KCNQ5: variants seen among roughly 807,000 people sequenced by gnomAD.
KCNQ5 encodes potassium voltage-gated channel subfamily KQT member 5.
Under a neutral mutation model 98.2 loss-of-function variants are expected in KCNQ5, and 30 were observed. That is an observed-to-expected ratio of 0.31 (90% CI 0.23 to 0.41). The LOEUF (loss-of-function observed/expected upper bound fraction) is 0.41, where lower values mean the gene tolerates loss of function less well. Ranked by LOEUF, KCNQ5 falls within the 10% of genes least tolerant of loss-of-function variation. KCNQ5 has a pLI of 1.00. For synonymous variants in KCNQ5, 458 were observed against 449.4 expected (o/e 1.02, Z -0.24); for missense variants, 835 against 1,182.5 (o/e 0.71, Z 4.31).
chr6:73,136,306 T>C (rs1303212793), intron 10 of KCNQ5: 2 of 152,228 alleles, frequency 1.3e-5, no homozygotes, highest in African/African-American at 4.8e-5. Context: ...GGATTTTTAA[T>C]TTGGAAAACA....
chr6:73,066,296 T>G (rs1473429634), intron 3 of KCNQ5, among the ~76,000 whole-genome samples: 1 of 152,130 alleles, frequency 6.6e-6, no homozygotes, highest in Non-Finnish European at 1.5e-5. Flanking sequence ...CACCCGCCCC[T>G]CTGTGACTCC....
chr6:73,051,705 C>CAAAAA (rs201199934), intron 3 of KCNQ5, among the ~76,000 whole-genome samples: 6 of 97,174 alleles, frequency 6.2e-5, no homozygotes, highest in African/African-American at 2.5e-4. Flanking sequence ...AAGATAGAGG[C>CAAAAA]AAAAAAAAAA....
chr6:73,141,845 C>A (rs1389395461), intron 10 of KCNQ5, among the ~76,000 whole-genome samples: 2 of 152,210 alleles, frequency 1.3e-5, no homozygotes, highest in African/African-American at 2.4e-5. Context: ...TCTATTGTTA[C>A]ATAGCAAATT....
At chr6:72,983,197 C>T (rs562616355) in intron 1 of KCNQ5, among the ~76,000 whole-genome samples, 1 of 152,238 alleles carries the variant, frequency 6.6e-6, no homozygotes, top group East Asian at 1.9e-4. Flanking sequence ...CTCTGTATTT[C>T]CTGAGTTTGA....
intron 10 of KCNQ5, among the ~76,000 whole-genome samples, chr6:73,138,499 G>C (rs1425976251): frequency 1.3e-5 from 2 of 152,186 alleles, no homozygotes; most frequent in African/African-American, 4.8e-5. Flanking sequence ...TACAGTGCTT[G>C]ATATTAGCTA....
At chr6:72,942,271 A>G (rs777639091) in intron 1 of KCNQ5, among the ~76,000 whole-genome samples, 1 of 152,178 alleles carries the variant, frequency 6.6e-6, no homozygotes, top group Non-Finnish European at 1.5e-5. Flanking sequence ...ACACATTTTA[A>G]ATGTTATTCA....
At chr6:72,629,367 T>C (rs961121223) in intron 1 of KCNQ5, among the ~76,000 whole-genome samples, 25 of 150,994 alleles carry the variant, frequency 1.7e-4, no homozygotes, top group Admixed American at 5.3e-4. Flanking sequence ...TGCTTTATAC[T>C]GTGCTGATAT....
intron 1 of KCNQ5, among the ~76,000 whole-genome samples, chr6:72,880,601 T>TACA: frequency 6.6e-6 from 1 of 152,210 alleles, no homozygotes; most frequent in African/African-American, 2.4e-5. Context: ...TACAGACATA[T>TACA]GTGTGTATCT....
chr6:73,051,033 A>G (rs892456684), intron 3 of KCNQ5, among the ~76,000 whole-genome samples: 5 of 152,208 alleles, frequency 3.3e-5, no homozygotes, highest in African/African-American at 1.2e-4. Context: ...TAAGGCAGCT[A>G]TGTACATTCA....
chr6:72,744,602 G>A (rs957511480), intron 1 of KCNQ5, among the ~76,000 whole-genome samples: 1 of 152,136 alleles, frequency 6.6e-6, no homozygotes, highest in African/African-American at 2.4e-5. Context: ...CCTGAGGTCA[G>A]GAGTTCGAGA....
At chr6:72,764,517 A>G (rs1432010663) in intron 1 of KCNQ5, among the ~76,000 whole-genome samples, 2 of 151,932 alleles carry the variant, frequency 1.3e-5, no homozygotes, top group Non-Finnish European at 2.9e-5. Flanking sequence ...TACGGGGTAC[A>G]TGAGATGTTT....
chr6:72,950,551 T>C (rs1381374640), intron 1 of KCNQ5, among the ~76,000 whole-genome samples: 1 of 152,240 alleles, frequency 6.6e-6, no homozygotes, highest in Non-Finnish European at 1.5e-5. Flanking sequence ...CTCAGCTGTC[T>C]CACTTCCTCC....
At chr6:73,003,838 G>T in intron 1 of KCNQ5, 70 bp from the exon 2 acceptor site, 1 of 1,055,316 alleles carries the variant, frequency 9.5e-7, no homozygotes, top group South Asian at 1.4e-5. Flanking sequence ...TTATTCATTT[G>T]AAGCAAGAAA....
chr6:73,001,159 G>A (rs1233492253), intron 1 of KCNQ5, among the ~76,000 whole-genome samples: 1 of 151,958 alleles, frequency 6.6e-6, no homozygotes, highest in African/African-American at 2.4e-5. Flanking sequence ...AACACTTCTT[G>A]ATGTGCTCCC....
intron 1 of KCNQ5, among the ~76,000 whole-genome samples, chr6:72,903,255 C>G (rs1358269204): frequency 2.6e-5 from 4 of 152,122 alleles, no homozygotes; most frequent in Non-Finnish European, 4.4e-5. Flanking sequence ...AATGGTCTAT[C>G]AATTTGATTT....
At chr6:72,628,620 G>A (rs539485024) in intron 1 of KCNQ5, among the ~76,000 whole-genome samples, 1 of 151,980 alleles carries the variant, frequency 6.6e-6, no homozygotes, top group African/African-American at 2.4e-5. Context: ...CTTTCTTTTT[G>A]TTAGTTTGAG....
chr6:73,139,450 C>T (rs1362779566), intron 10 of KCNQ5, among the ~76,000 whole-genome samples: 8 of 152,122 alleles, frequency 5.3e-5, no homozygotes, highest in Admixed American at 3.3e-4. Flanking sequence ...TTGATATAGC[C>T]AAGAAACCTC....
intron 1 of KCNQ5, among the ~76,000 whole-genome samples, chr6:72,885,671 T>C (rs1001520720): frequency 5.9e-5 from 9 of 152,148 alleles, no homozygotes; most frequent in African/African-American, 2.2e-4. Flanking sequence ...GATTTTGAAT[T>C]CAGAGAGAAA....
chr6:72,880,115 G>T (rs559794044), intron 1 of KCNQ5, among the ~76,000 whole-genome samples: 1 of 152,130 alleles, frequency 6.6e-6, no homozygotes, highest in East Asian at 1.9e-4. Context: ...TTTATGGTTT[G>T]TTTGGAAAAT....
Sources: allele counts gnomAD v4.1 joint callset (sites outside exome capture counted in the v4.1 genomes callset), GRCh38; gene constraint gnomAD v4.1.1; transcripts MANE v1.5; gene names NCBI Gene and HGNC (gene_info 2026-07-23, HGNC 2026-07-21).